FAIM2: variants seen among roughly 807,000 people sequenced by gnomAD.
The protein encoded by FAIM2 is Fas apoptotic inhibitory molecule 2.
FAIM2 carries 27 observed loss-of-function variants against 47.4 expected under a neutral mutation model. That is an observed-to-expected ratio of 0.57 (90% confidence interval 0.42 to 0.78). The LOEUF (loss-of-function observed/expected upper bound fraction) is 0.78. Among genes scored for constraint, FAIM2 ranks in the 30% least tolerant of loss-of-function variants. FAIM2 has a pLI of 0.00. For missense variants in FAIM2, 311 were observed against 389.4 expected (o/e 0.80, Z 1.69); for synonymous variants, 156 against 159.3 (o/e 0.98, Z 0.16).
rs1360679633 is a variant in FAIM2 at position 49,878,115 on chromosome 12, TGG to T, written c.802-7464_802-7463del. ...GTGCATGTGTGTGCATGTGTGTATG[TGG>T]GTATGTGTGCATGTGAGTGTGCATG... On this transcript the variant is annotated intron_variant, in intron 11 of 11. Transcript: ENST00000320634. 2.6e-3 allele frequency among the ~76,000 whole-genome samples: 352 copies of T among 136,604 alleles called. 25 individuals are homozygous for T. Among genetic ancestry groups the T allele is most frequent in the African/African-American group, 9.6e-3 (344 of 35,938 alleles). 89.6% of individuals were successfully genotyped at this position (136,604 alleles called of 152,430 possible).
rs761491728 is a variant in FAIM2, at chr12:49,887,395, T to C, written c.792A>G (p.Val264=). 17 of 1,610,752 alleles carry C rather than the reference T, an allele frequency of 1.1e-5. No individual in the cohort carries two copies. In the African/African-American group the frequency reaches 2.0e-4, roughly 19 times the overall value. ...HAVYAALGAG[V]FTLFLALDTQ... ...GCTAGACCACACTCACCAATGTAAA[T>C]ACACCCGCTCCCAGTGCTGCATAAA... is the stretch of plus-strand genomic sequence containing the variant. Residue 264 remains valine (V), a synonymous_variant, in exon 11 of 12, where the codon GTA becomes GTG. Transcript: ENST00000320634.
At position 49,897,147 on chromosome 12, in the gene FAIM2, A is replaced by T; in HGVS notation, c.381-63T>A. 8 of 1,310,252 alleles carry T rather than the reference A, an allele frequency of 6.1e-6. 1 individual carries two copies. The South Asian group carries it at 8.2e-5, about 14-fold the overall frequency. The allele number at this position is 1,310,252 out of a possible 1,614,324, so 81.2% of individuals were successfully genotyped here. A position where few individuals can be genotyped will look rare whatever the true frequency, so the allele number is the denominator to read the frequency against. ...TACCCTAGGTCTCCATTTCTGGTTC[A>T]GCATCTGCATCTGTCCCACACAGTT... On this transcript the variant is annotated intron_variant, in intron 4 of 11. Transcript: ENST00000320634.
intron 11 of FAIM2, among the ~76,000 whole-genome samples, chr12:49,883,322 T>C (rs1592788992): frequency 6.7e-6 from 1 of 150,344 alleles, no homozygotes; most frequent in African/African-American, 2.5e-5. Flanking sequence ...GGACAGGGAG[T>C]AGCCATGAGG....
In FAIM2 at chr12:49,871,649, T is replaced by C. The variant is rs187872907; in HGVS notation, c.802-996A>G. ...ACTGATCCACGTGGGATTGGAATTT[T>C]TTTTCTTTTCTTTTCTTTTCTTTTT... On this transcript the variant is annotated intron_variant, in intron 11 of 11. Coordinates refer to ENST00000320634, the MANE Select transcript of FAIM2 (RefSeq NM_012306.4). 7.3e-5 allele frequency among the ~76,000 whole-genome samples: 11 copies of C among 150,478 alleles called. No individual in the cohort carries two copies. The East Asian group carries it at 1.4e-3, about 19-fold the overall frequency.
At chr12:49,879,672 G>A (rs1303648135) in intron 11 of FAIM2, among the ~76,000 whole-genome samples, 3 of 147,900 alleles carry the variant, frequency 2.0e-5, no homozygotes, top group Admixed American at 6.8e-5. Flanking sequence ...ATGTGAGTGT[G>A]TGCATGTGTG....
chr12:49,876,004 G>A (rs982876931), intron 11 of FAIM2, among the ~76,000 whole-genome samples: 1 of 152,186 alleles, frequency 6.6e-6, no homozygotes, highest in Non-Finnish European at 1.5e-5. Flanking sequence ...GGCAAGGTAA[G>A]CATCAATAGC....
chr12:49,876,753 C>T (rs1411631721), intron 11 of FAIM2, among the ~76,000 whole-genome samples: 1 of 151,876 alleles, frequency 6.6e-6, no homozygotes, highest in Non-Finnish European at 1.5e-5. Flanking sequence ...GCCTGGGTGA[C>T]AGAGCGAGAC....
At chr12:49,887,054 A>C (rs1946866722) in intron 11 of FAIM2, among the ~76,000 whole-genome samples, 1 of 151,972 alleles carries the variant, frequency 6.6e-6, no homozygotes, top group Non-Finnish European at 1.5e-5. Context: ...CTTGGTCCAC[A>C]TGGCCAGGAT....
intron 8 of FAIM2, among the ~76,000 whole-genome samples, chr12:49,889,796 G>A (rs1946886543): frequency 6.6e-6 from 1 of 152,148 alleles, no homozygotes; most frequent in Non-Finnish European, 1.5e-5. Flanking sequence ...TGATGAGGTG[G>A]GAGTGGGAGT....
At chr12:49,893,483 C>A (rs1946914766) in intron 5 of FAIM2, among the ~76,000 whole-genome samples, 1 of 152,200 alleles carries the variant, frequency 6.6e-6, no homozygotes, top group African/African-American at 2.4e-5. Context: ...TGGGGGCCAG[C>A]CTGCAACTTA....
rs964446664 is a variant in FAIM2, at chr12:49,870,153, G to C, written c.*351C>G. 13 of 235,898 alleles carry C rather than the reference G, an allele frequency of 5.5e-5. No individual in the cohort carries two copies. The highest frequency in any genetic ancestry group is 8.3e-5 in the Non-Finnish European group (10 of 120,204). The allele number at this position is 235,898 out of a possible 1,614,324, so 14.6% of individuals were successfully genotyped here. On this transcript the variant is annotated 3_prime_UTR_variant, in exon 12 of 12. Transcript: ENST00000320634. ...TAGGAGGAATTGCAGTGGGGCTCAGGGCTCTGCCGGGCTTCCTGGGTCTCT... is the reference window on the plus strand; with the variant it reads ...TAGGAGGAATTGCAGTGGGGCTCAGCGCTCTGCCGGGCTTCCTGGGTCTCT...
At chr12:49,875,315 C>A (rs1946728711) in intron 11 of FAIM2, among the ~76,000 whole-genome samples, 1 of 152,096 alleles carries the variant, frequency 6.6e-6, no homozygotes, top group Non-Finnish European at 1.5e-5. Flanking sequence ...AGTGACTTGC[C>A]CGCATCACCC....
At chr12:49,886,377 A>G (rs1486552285) in intron 11 of FAIM2, among the ~76,000 whole-genome samples, 3 of 152,202 alleles carry the variant, frequency 2.0e-5, no homozygotes, top group Non-Finnish European at 2.9e-5. Context: ...CAGACTGTCC[A>G]GGTTCCCAGT....
Position 49,878,145 on chromosome 12 carries a change from AGTGT to A in FAIM2, c.802-7496_802-7493del, listed in dbSNP as rs756060363. On this transcript the variant is annotated intron_variant, in intron 11 of 11. Transcript: ENST00000320634. Reference sequence around the variant, plus strand: ...ATGTGTGCATGTGAGTGTGCATGTGAGTGTGTGTATGAGTGTATGTGTGTATGTG... The same window carrying A: ...ATGTGTGCATGTGAGTGTGCATGTGAGTGTATGAGTGTATGTGTGTATGTG... Among the ~76,000 whole-genome samples the A allele has an allele frequency of 2.6e-4, 23 of 90,004 alleles. 3 individuals carry two copies. Among genetic ancestry groups the A allele is most frequent in the South Asian group, 1.7e-3 (4 of 2,382 alleles). 59.0% of individuals were successfully genotyped at this position (90,004 alleles called of 152,430 possible).
intron 5 of FAIM2, 149 bp from the exon 6 acceptor site, chr12:49,891,263 C>G (rs1328815133): frequency 1.3e-5 from 9 of 689,532 alleles, no homozygotes; most frequent in African/African-American, 1.2e-4. Flanking sequence ...TAGAACCTGG[C>G]AGTGGGCAGG....
chr12:49,873,564 AC>A (rs1565611745), intron 11 of FAIM2, among the ~76,000 whole-genome samples: 1 of 152,018 alleles, frequency 6.6e-6, no homozygotes, highest in African/African-American at 2.4e-5. Flanking sequence ...GAGCCTGGTC[AC>A]CCCTGGGTGA....
chr12:49,897,018 G>C lies in FAIM2; in HGVS notation c.434+13C>G. 1 of 1,607,484 alleles carries C rather than the reference G, an allele frequency of 6.2e-7. No homozygotes were observed. ...CTTCTCTGGAAGGGGACTGGGGACT[G>C]AGATATACTCACTAGGATGCCCAGT... is the stretch of plus-strand genomic sequence containing the variant. On this transcript the variant is annotated intron_variant, in intron 5 of 11. Transcript: ENST00000320634.
intron 10 of FAIM2, 23 bp downstream of exon 10, chr12:49,889,084 T>A: frequency 6.3e-7 from 1 of 1,575,724 alleles, no homozygotes; most frequent in South Asian, 1.1e-5. Flanking sequence ...CCATGGGGCC[T>A]GCTGGGGGAC....
At chr12:49,890,461 A>G (rs1485392364) in intron 7 of FAIM2, among the ~76,000 whole-genome samples, 3 of 152,190 alleles carry the variant, frequency 2.0e-5, no homozygotes, top group African/African-American at 7.2e-5. Context: ...AAAATTCACA[A>G]TGAAAAAAGA....
Sources: allele counts gnomAD v4.1 joint callset (sites outside exome capture counted in the v4.1 genomes callset), GRCh38; gene constraint gnomAD v4.1.1; transcripts MANE v1.5; gene names NCBI Gene and HGNC (gene_info 2026-07-23, HGNC 2026-07-21).